ITSN1: variants seen among roughly 807,000 people sequenced by gnomAD.
ITSN1 encodes the protein intersectin-1.
Under a neutral mutation model 239.8 loss-of-function variants are expected in ITSN1, and 58 were observed. The observed-to-expected ratio is 0.24, with a 90% CI of 0.20 to 0.30. ITSN1 has a LOEUF of 0.30. Ranked by LOEUF, ITSN1 falls within the 10% of genes least tolerant of loss-of-function variation. The pLI is 1.00. For synonymous variants in ITSN1, 780 were observed against 770.8 expected (o/e 1.01, Z -0.20); for missense variants, 1,558 against 2,103.3 (o/e 0.74, Z 5.07).
intron 1 of ITSN1, among the ~76,000 whole-genome samples, chr21:33,690,908 A>G (rs554829334): frequency 2.0e-4 from 29 of 143,728 alleles, no homozygotes; most frequent in East Asian, 1.4e-3. Flanking sequence ...CATCACCCCA[A>G]TGGGCCATGG....
At chr21:33,828,151 C>T (rs2148344202) in intron 26 of ITSN1, among the ~76,000 whole-genome samples, 1 of 152,312 alleles carries the variant, frequency 6.6e-6, no homozygotes, top group Non-Finnish European at 1.5e-5. Flanking sequence ...CAAGAAAGGA[C>T]ACAAAAGACT....
In ITSN1 at chr21:33,882,523, G is replaced by A. The variant is rs1396563649; in HGVS notation, c.4554+68G>A. The stretch of plus-strand genomic sequence containing the variant: ...TTGGGGAGGAAGAAGTTTCCAAAAA[G>A]GAGGTAGAGTTTTAGCAGGGTCAGG... On this transcript the variant is annotated intron_variant, in intron 35 of 39. Transcript: ENST00000381318. This position sits in a 1 kb window ranked among gnomAD's most constrained non-coding sequence, Gnocchi z 4.5. 11 of 1,411,460 alleles carry A rather than the reference G, an allele frequency of 7.8e-6. No individual in the cohort carries two copies. In the East Asian group the frequency reaches 2.3e-4, roughly 30 times the overall value. 87.4% of individuals were successfully genotyped at this position (1,411,460 alleles called of 1,614,324 possible).
chr21:33,818,607 T>G (rs2073443466), intron 23 of ITSN1, 135 bp downstream of exon 23: 1 of 747,220 alleles, frequency 1.3e-6, no homozygotes, highest in Non-Finnish European at 2.3e-6. Flanking sequence ...GCAAAAGTTA[T>G]AGTATATAGA....
chr21:33,654,076 C>T (rs1023089538), intron 1 of ITSN1, among the ~76,000 whole-genome samples: 1 of 151,774 alleles, frequency 6.6e-6, no homozygotes, highest in South Asian at 2.1e-4. Context: ...TCTCTTTTGT[C>T]TCACTCTGTC....
In ITSN1 at chr21:33,894,210, A is replaced by G. The variant is rs759941116; in HGVS notation, c.*5910A>G. ...GTCATTAAAATAAGACCCAACGCTT[A>G]TAAAAGAGTTCATATCCACCTCCCA... On this transcript the variant is annotated 3_prime_UTR_variant, in exon 40 of 40. Coordinates refer to ENST00000381318, the MANE Select transcript of ITSN1 (RefSeq NM_003024.3). 6.6e-6 allele frequency: 1 copy of G among 152,244 alleles called. No individual in the cohort carries two copies. The highest frequency in any genetic ancestry group is 1.5e-5 in the Non-Finnish European group (1 of 68,040). The allele number at this position is 152,244 out of a possible 1,614,324, so 9.4% of individuals were successfully genotyped here.
chr21:33,836,594 A>G lies in ITSN1; in HGVS notation c.3623A>G (p.Tyr1208Cys), dbSNP rs984751447. 1 of 1,614,194 alleles carries G rather than the reference A, an allele frequency of 6.2e-7. No individual in the cohort carries two copies. The highest frequency in any genetic ancestry group is 8.5e-7 in the Non-Finnish European group (1 of 1,180,010). ...CAAGTGGGGCTCTTCCCATCCAATT[A>G]TGTGAAGCTGACCACAGACATGGAC... is the stretch of plus-strand genomic sequence containing the variant. Reference protein sequence around the residue: ...NGQVGLFPSNYVKLTTDMDPS... With the variant: ...NGQVGLFPSNCVKLTTDMDPS... The change falls in exon 29 of 40, where the codon TAT becomes TGT. Residue 1208 changes from tyrosine to cysteine, a missense_variant. Transcript: ENST00000381318.
chr21:33,845,717 G>A (rs2074970652), intron 29 of ITSN1, among the ~76,000 whole-genome samples: 1 of 152,224 alleles, frequency 6.6e-6, no homozygotes. Context: ...CTCTACAGGA[G>A]CCTGCTCAGT....
chr21:33,698,596 C>T (rs1391493710), intron 1 of ITSN1, among the ~76,000 whole-genome samples: 2 of 152,178 alleles, frequency 1.3e-5, no homozygotes, highest in Non-Finnish European at 2.9e-5. Context: ...GTAGAAGCCA[C>T]ATTTGAGGCT....
Position 33,811,020 on chromosome 21 carries a change from T to G in ITSN1, c.2365T>G (p.Leu789Val). ...AGAACCCGGCTGGCTTGGAGGAGAA[T>G]TAAAAGGAAAGACAGGGTGGTTCCC... ...TGEPGWLGGE[L>V]KGKTGWFPAN... The change falls in exon 21 of 40, where the codon TTA becomes GTA. Residue 789 changes from leucine (L) to valine (V), a missense_variant. Physicochemically the swap from Leu to Val is conservative, Grantham distance 32 (BLOSUM62 1). Transcript: ENST00000381318. 1 of 1,614,052 alleles carries G rather than the reference T, an allele frequency of 6.2e-7. No individual in the cohort carries two copies. The highest frequency in any genetic ancestry group is 2.2e-5 in the East Asian group (1 of 44,888).
At chr21:33,754,770 A>C (rs1019632046) in intron 7 of ITSN1, among the ~76,000 whole-genome samples, 3 of 152,334 alleles carry the variant, frequency 2.0e-5, no homozygotes, top group South Asian at 2.1e-4. Context: ...TCTCTCTGGG[A>C]AACTGTCCAA....
chr21:33,874,156 C>CAA lies in ITSN1; in HGVS notation c.4174-1177_4174-1176dup, dbSNP rs778588764. On this transcript the variant is annotated intron_variant, in intron 33 of 39. Coordinates refer to ENST00000381318, the MANE Select transcript of ITSN1 (RefSeq NM_003024.3). ...GGGCAACAAGAGCAAAACTCCGTCT[C>CAA]AAAAAAAAAAAAAAAAAAAAAAGAA... 3.7e-3 allele frequency among the ~76,000 whole-genome samples: 108 copies of CAA among 28,850 alleles called. No homozygotes were observed. In the South Asian group the frequency reaches 0.044, roughly 12 times the overall value. 18.9% of individuals were successfully genotyped at this position (28,850 alleles called of 152,430 possible).
chr21:33,735,032 G>A lies in ITSN1; in HGVS notation c.186-12G>A. On this transcript the variant is annotated splice_polypyrimidine_tract_variant and intron_variant, in intron 4 of 39. Transcript: ENST00000381318. The stretch of plus-strand genomic sequence containing the variant: ...GTCACAGTTGTTCTCAGGCCATGCT[G>A]TTGGTTTGCAGGGCACTAGCTGACA... The A allele has an allele frequency of 6.2e-7, 1 of 1,603,134 alleles. No individual in the cohort carries two copies. Among genetic ancestry groups the A allele is most frequent in the Non-Finnish European group, 8.5e-7 (1 of 1,175,352 alleles).
chr21:33,845,266 G>A (rs2074954812), intron 29 of ITSN1, among the ~76,000 whole-genome samples: 1 of 151,892 alleles, frequency 6.6e-6, no homozygotes, highest in Admixed American at 6.5e-5. Flanking sequence ...GGCTGCGGGG[G>A]AGGCACGTCC....
intron 1 of ITSN1, among the ~76,000 whole-genome samples, chr21:33,686,988 CAG>C (rs1262829232): frequency 6.6e-6 from 1 of 152,104 alleles, no homozygotes; most frequent in Non-Finnish European, 1.5e-5. Flanking sequence ...ATATATTTTG[CAG>C]AATGGTCTTT....
intron 1 of ITSN1, among the ~76,000 whole-genome samples, chr21:33,718,434 TA>T (rs1306598962): frequency 6.6e-6 from 1 of 152,220 alleles, no homozygotes; most frequent in Non-Finnish European, 1.5e-5. Context: ...GCTTACAGAA[TA>T]ACAGTTGTTT....
At chr21:33,661,794 C>T (rs2089578249) in intron 1 of ITSN1, among the ~76,000 whole-genome samples, 1 of 152,062 alleles carries the variant, frequency 6.6e-6, no homozygotes, top group Non-Finnish European at 1.5e-5. Flanking sequence ...TTTCATTTGG[C>T]TCTCATTTCT....
Position 33,851,978 on chromosome 21 carries a change from GTC to G in ITSN1, c.3662-4753_3662-4752del, listed in dbSNP as rs530801981. Among the ~76,000 whole-genome samples, 632 of 151,178 alleles carry G rather than the reference GTC, an allele frequency of 4.2e-3. 9 individuals are homozygous for G. The highest frequency in any genetic ancestry group is 0.015 in the African/African-American group (608 of 41,214). ...TTTTAAATTTTTTGTAGATATGGGT[GTC>G]TCTCACTATGTTGCCCAGGCTGGTC... is the stretch of plus-strand genomic sequence containing the variant. On this transcript the variant is annotated intron_variant, in intron 29 of 39. Transcript: ENST00000381318.
chr21:33,751,395 T>G (rs1569096930), intron 6 of ITSN1, among the ~76,000 whole-genome samples: 1 of 152,300 alleles, frequency 6.6e-6, no homozygotes, highest in East Asian at 1.9e-4. Context: ...TAGTGTCACA[T>G]GTTATCTGGC....
intron 1 of ITSN1, among the ~76,000 whole-genome samples, chr21:33,655,955 G>T (rs926772006): frequency 6.6e-6 from 1 of 152,152 alleles, no homozygotes; most frequent in African/African-American, 2.4e-5. Context: ...AGAGAAAAAA[G>T]AGGATTGTAG....
Sources: gnomAD v4.1 joint callset for allele counts (sites outside exome capture counted in the v4.1 genomes callset) on GRCh38, gnomAD v4.1.1 for gene constraint, Gnocchi (gnomAD v3.1) non-coding constraint, MANE v1.5 for transcripts, NCBI Gene and HGNC (gene_info 2026-07-23, HGNC 2026-07-21) for gene names.